ANKFY1: variants seen among roughly 807,000 people sequenced by gnomAD.
ANKFY1 encodes ankyrin repeat and FYVE domain containing 1.
Under a neutral mutation model 128.3 loss-of-function variants are expected in ANKFY1, and 47 were observed. The observed-to-expected ratio is 0.37, with a 90% confidence interval of 0.29 to 0.47. ANKFY1 has a LOEUF of 0.47. Among genes scored for constraint, ANKFY1 ranks in the 20% least tolerant of loss-of-function variants. ANKFY1 has a pLI of 1.00. For missense variants in ANKFY1, 1,222 were observed against 1,510.6 expected, an observed-to-expected ratio of 0.81 and a Z score of 3.17; for synonymous variants, 553 against 601.6, an observed-to-expected ratio of 0.92 and a Z score of 1.18.
At chr17:4,240,684 G>T in intron 2 of ANKFY1, among the ~76,000 whole-genome samples, 1 of 152,308 alleles carries the variant, frequency 6.6e-6, no homozygotes, top group South Asian at 2.1e-4. Context: ...GCGCCACTGC[G>T]CCCAGGCACA....
At chr17:4,253,095 C>T (rs1598153340) in intron 1 of ANKFY1, among the ~76,000 whole-genome samples, 2 of 152,128 alleles carry the variant, frequency 1.3e-5, no homozygotes, top group Admixed American at 1.3e-4. Context: ...GTGGCACACA[C>T]TTGTAATCCC....
In ANKFY1 at chr17:4,220,700, C is replaced by T. The variant is rs112360552; in HGVS notation, c.323-3582G>A. Among the ~76,000 whole-genome samples the T allele has an allele frequency of 7.4e-3, 1,127 of 152,258 alleles. 9 individuals carry two copies. The highest frequency in any genetic ancestry group is 0.024 in the Middle Eastern group (7 of 294). Reference sequence around the variant, plus strand: ...CTACAAAATACACTGAGAATAAATTCACTTTGTGACTCAGACGAAGCAGCC... The same window carrying T: ...CTACAAAATACACTGAGAATAAATTTACTTTGTGACTCAGACGAAGCAGCC... On this transcript the variant is annotated intron_variant, in intron 3 of 24. Transcript: ENST00000341657.
chr17:4,242,460 A>T lies in ANKFY1; in HGVS notation c.11-12T>A, dbSNP rs2143388833. ...CTTGGCCACCTCCTCTGCAAGGAAA[A>T]CGAAGAATCAAGTTCACCGTGGCTG... On this transcript the variant is annotated splice_polypyrimidine_tract_variant and intron_variant, in intron 1 of 24. Coordinates refer to ENST00000341657, the MANE Select transcript of ANKFY1 (RefSeq NM_001330063.2). The T allele has an allele frequency of 6.5e-7, 1 of 1,532,748 alleles. No individual in the cohort carries two copies. Among genetic ancestry groups the T allele is most frequent in the East Asian group, 2.5e-5 (1 of 40,784 alleles). 94.9% of individuals were successfully genotyped at this position (1,532,748 alleles called of 1,614,324 possible).
intron 3 of ANKFY1, chr17:4,223,204 T>C (rs2060357762): frequency 2.5e-6 from 2 of 788,560 alleles, no homozygotes; most frequent in Non-Finnish European, 4.6e-6. Flanking sequence ...ATCACAGAAA[T>C]CTTCTTCCTA....
At chr17:4,194,103 ATTTTT>A (rs796921017) in intron 10 of ANKFY1, among the ~76,000 whole-genome samples, 1 of 108,186 alleles carries the variant, frequency 9.2e-6, no homozygotes, top group Admixed American at 1.1e-4. Context: ...ATATATATAT[ATTTTT>A]TTTTTTTTTT....
Position 4,206,400 on chromosome 17 carries a change from G to A in ANKFY1, c.819C>T (p.Thr273=). ...ALSRRLESIA[T]TLVSHKADVD... is the part of the protein sequence containing the mutation. ...CATCAGCTTTGTGACTAACCAGCGTGGTGGCAATACTCTCCAGTCGTCGTG... is the reference window on the plus strand; with the variant it reads ...CATCAGCTTTGTGACTAACCAGCGTAGTGGCAATACTCTCCAGTCGTCGTG... The change falls in exon 7 of 25, where the codon ACC becomes ACT. Residue 273 remains threonine, a synonymous_variant. Coordinates refer to ENST00000341657, the MANE Select transcript of ANKFY1 (RefSeq NM_001330063.2). 1 of 1,614,140 alleles carries A rather than the reference G, an allele frequency of 6.2e-7. No individual in the cohort carries two copies. The highest frequency in any genetic ancestry group is 8.5e-7 in the Non-Finnish European group (1 of 1,179,994).
In ANKFY1 at chr17:4,183,907, T is replaced by C. The variant is rs201711044; in HGVS notation, c.1703A>G (p.Asn568Ser). The stretch of plus-strand genomic sequence containing the variant: ...CAAGTTGTTGGTGGCATGAAGAGCA[T>C]TGGCTAAATGTTTGAAAAAGTAAAA... ...VVSVILEQKA[N>S]ALHATNNLQI... The change falls in exon 13 of 25, where the codon AAT becomes AGT. Residue 568 changes from asparagine to serine, a missense_variant. By Grantham distance (46) the Asn-to-Ser change is conservative. Transcript: ENST00000341657. 4.8e-5 allele frequency: 78 copies of C among 1,611,634 alleles called. No homozygotes were observed. The highest frequency in any genetic ancestry group is 8.0e-5 in the African/African-American group (6 of 74,866).
chr17:4,214,769 A>C (rs762152923), intron 4 of ANKFY1, among the ~76,000 whole-genome samples: 3 of 152,116 alleles, frequency 2.0e-5, no homozygotes, highest in Non-Finnish European at 4.4e-5. Context: ...CATATATTTA[A>C]ACGTCCCACA....
chr17:4,229,697 T>C (rs1760394234), intron 3 of ANKFY1, among the ~76,000 whole-genome samples: 1 of 152,250 alleles, frequency 6.6e-6, no homozygotes, highest in East Asian at 1.9e-4. Context: ...TAGATTATTT[T>C]GAGCTCTGAG....
Position 4,206,178 on chromosome 17 carries a change from A to G in ANKFY1, c.898+143T>C, listed in dbSNP as rs556063915. The G allele has an allele frequency of 1.6e-5, 15 of 911,190 alleles. No individual in the cohort carries two copies. The African/African-American group carries it at 2.0e-4, about 12-fold the overall frequency. The allele number at this position is 911,190 out of a possible 1,614,324, so 56.4% of individuals were successfully genotyped here. On this transcript the variant is annotated intron_variant, in intron 7 of 24. Transcript: ENST00000341657. ...GCTCTTGAGTGCTTCCTCTGACCCA[A>G]TGATCAAATTCTAGATCATGTAGCC...
Position 4,263,635 on chromosome 17 carries a change from C to A in ANKFY1, c.10+297G>T, listed in dbSNP as rs528483641. The A allele has an allele frequency of 1.1e-4, 171 of 1,534,894 alleles. No individual in the cohort carries two copies. In the African/African-American group the frequency reaches 2.2e-3, roughly 20 times the overall value. The stretch of plus-strand genomic sequence containing the variant: ...GGCACCGCCGGCAATCAAGAGCCTC[C>A]CGTGCTGCCCTCGGGGCCCCGCGGC... On this transcript the variant is annotated intron_variant, in intron 1 of 24. Transcript: ENST00000341657.
At chr17:4,257,377 T>C (rs1228217646) in intron 1 of ANKFY1, among the ~76,000 whole-genome samples, 1 of 152,224 alleles carries the variant, frequency 6.6e-6, no homozygotes, top group Non-Finnish European at 1.5e-5. Flanking sequence ...GGCTGATTCC[T>C]TTCGGTAGTA....
intron 21 of ANKFY1, 118 bp downstream of exon 21, chr17:4,173,236 G>T: frequency 1.2e-6 from 1 of 843,380 alleles, no homozygotes; most frequent in Non-Finnish European, 2.0e-6. Flanking sequence ...AAGCTGGTGA[G>T]GTGCCCCAGC....
At chr17:4,227,633 T>G (rs1404565553) in intron 3 of ANKFY1, among the ~76,000 whole-genome samples, 8 of 152,170 alleles carry the variant, frequency 5.3e-5, no homozygotes, top group Admixed American at 5.2e-4. Context: ...ACAAATGACT[T>G]GTATCTAAAT....
In ANKFY1 at chr17:4,242,443, C is replaced by T; in HGVS notation, c.16G>A (p.Val6Met). The T allele has an allele frequency of 6.4e-7, 1 of 1,557,390 alleles. No individual in the cohort carries two copies. The highest frequency in any genetic ancestry group is 8.6e-7 in the Non-Finnish European group (1 of 1,157,302). Reference sequence around the variant, plus strand: ...ATCAAGTGCTTCTCCAACTTGGCCACCTCCTCTGCAAGGAAAACGAAGAAT... The same window carrying T: ...ATCAAGTGCTTCTCCAACTTGGCCATCTCCTCTGCAAGGAAAACGAAGAAT... MAEEE[V>M]AKLEKHLMLL... The change falls in exon 2 of 25, where the codon GTG (valine) becomes ATG (methionine). Residue 6 changes from valine (V) to methionine (M), a missense_variant. Transcript: ENST00000341657.
chr17:4,244,068 T>A (rs938214475), intron 1 of ANKFY1, among the ~76,000 whole-genome samples: 11 of 151,994 alleles, frequency 7.2e-5, no homozygotes, highest in Admixed American at 2.6e-4. Flanking sequence ...GCAGCTGGGA[T>A]GACAGGTGGG....
intron 4 of ANKFY1, among the ~76,000 whole-genome samples, chr17:4,216,169 G>A (rs2060217967): frequency 6.6e-6 from 1 of 152,180 alleles, no homozygotes; most frequent in African/African-American, 2.4e-5. Context: ...AAAACAGCAA[G>A]CAGCTCTAGG....
intron 1 of ANKFY1, among the ~76,000 whole-genome samples, chr17:4,263,035 C>A (rs1968505931): frequency 1.3e-5 from 2 of 152,082 alleles, no homozygotes; most frequent in Admixed American, 1.3e-4. Context: ...GAATACTGTT[C>A]TCCAATAATG....
Position 4,218,637 on chromosome 17 carries a change from G to A in ANKFY1, c.323-1519C>T, listed in dbSNP as rs187692986. ...TCAGAAATCACCACTAAAGAACTTA[G>A]CCATGTAACCAAACACTGCCTGTTC... On this transcript the variant is annotated intron_variant, in intron 3 of 24. Transcript: ENST00000341657. Among the ~76,000 whole-genome samples, 84 of 152,184 alleles carry A rather than the reference G, an allele frequency of 5.5e-4. 1 individual carries two copies. The East Asian group carries it at 0.015, about 28-fold the overall frequency.
Sources: gnomAD v4.1 joint callset for allele counts (sites outside exome capture counted in the v4.1 genomes callset) on GRCh38, gnomAD v4.1.1 for gene constraint, MANE v1.5 for transcripts, NCBI Gene and HGNC (gene_info 2026-07-23, HGNC 2026-07-21) for gene names.